The following CPEB3 variants were observed in gnomAD, a reference collection of about 807,000 sequenced individuals.
CPEB3 encodes the protein cytoplasmic polyadenylation element binding protein 3, also known as cytoplasmic polyadenylation element-binding protein 3.
CPEB3 carries 20 observed loss-of-function variants against 67.2 expected under a neutral mutation model. The ratio of observed to expected loss-of-function variants is 0.30; its 90% confidence interval spans 0.21 to 0.43. The LOEUF (loss-of-function observed/expected upper bound fraction) is 0.43, where lower values mean the gene tolerates loss of function less well. Ranked by LOEUF, CPEB3 falls within the 20% of genes least tolerant of loss-of-function variation. The pLI is 1.00. For missense variants in CPEB3, 746 were observed against 968.6 expected (o/e 0.77, Z 3.05); for synonymous variants, 376 against 393.1 (o/e 0.96, Z 0.51).
intron 7 of CPEB3, among the ~76,000 whole-genome samples, chr10:92,096,611 G>A (rs562689348): frequency 3.3e-5 from 5 of 151,982 alleles, no homozygotes; most frequent in Non-Finnish European, 7.4e-5. Context: ...CTTCTTCCTG[G>A]AGCAGCCTGA....
intron 2 of CPEB3, among the ~76,000 whole-genome samples, chr10:92,228,542 C>G (rs1340990416): frequency 6.6e-6 from 1 of 152,066 alleles, no homozygotes; most frequent in East Asian, 1.9e-4. Context: ...GATGTTTCCT[C>G]TGAAATATTC....
intron 4 of CPEB3, among the ~76,000 whole-genome samples, chr10:92,161,067 G>A (rs1161931756): frequency 2.0e-5 from 3 of 152,052 alleles, no homozygotes; most frequent in Non-Finnish European, 4.4e-5. Flanking sequence ...TGTAGAGACA[G>A]GGTTTCACCA....
chr10:92,091,527 C>A (rs538357794), intron 8 of CPEB3, among the ~76,000 whole-genome samples: 48 of 150,968 alleles, frequency 3.2e-4, no homozygotes, highest in African/African-American at 1.1e-3. Flanking sequence ...TGCTGACTGG[C>A]ATAAGAATGC....
At chr10:92,157,592 T>C (rs1847266559) in intron 4 of CPEB3, among the ~76,000 whole-genome samples, 2 of 152,240 alleles carry the variant, frequency 1.3e-5, no homozygotes, top group South Asian at 4.1e-4. Context: ...GCTCTGAAAC[T>C]TAAGCTTCAT....
chr10:92,199,286 G>C (rs1849389896), intron 2 of CPEB3, among the ~76,000 whole-genome samples: 1 of 151,702 alleles, frequency 6.6e-6, no homozygotes, highest in Non-Finnish European at 1.5e-5. Context: ...AGCTACTCAG[G>C]AGGCTGAGGC....
At chr10:92,268,102 C>T (rs1853142040) in intron 1 of CPEB3, among the ~76,000 whole-genome samples, 1 of 152,134 alleles carries the variant, frequency 6.6e-6, no homozygotes, top group Non-Finnish European at 1.5e-5. Flanking sequence ...AGGCCAGCCA[C>T]CGCGACCGGC....
At chr10:92,178,858 T>C (rs956500103) in intron 4 of CPEB3, among the ~76,000 whole-genome samples, 3 of 152,082 alleles carry the variant, frequency 2.0e-5, no homozygotes, top group Admixed American at 2.0e-4. Flanking sequence ...GTACCTACTA[T>C]GGAGGATATT....
intron 4 of CPEB3, among the ~76,000 whole-genome samples, chr10:92,159,366 T>C (rs1847357414): frequency 6.6e-6 from 1 of 151,934 alleles, no homozygotes; most frequent in Non-Finnish European, 1.5e-5. Flanking sequence ...TGTATTACAT[T>C]AAGCATTAAA....
At chr10:92,115,783 C>T (rs1328622438) in intron 6 of CPEB3, among the ~76,000 whole-genome samples, 4 of 152,014 alleles carry the variant, frequency 2.6e-5, no homozygotes, top group African/African-American at 9.7e-5. Flanking sequence ...TGCTCACCCT[C>T]TAAAATTTAA....
chr10:92,279,228 G>T (rs998636069), intron 1 of CPEB3, among the ~76,000 whole-genome samples: 1 of 152,008 alleles, frequency 6.6e-6, no homozygotes, highest in African/African-American at 2.4e-5. Flanking sequence ...TTCCTGAGTG[G>T]TCTTTTTCTC....
chr10:92,117,187 C>CAA (rs1845077026), intron 6 of CPEB3, among the ~76,000 whole-genome samples: 1 of 151,340 alleles, frequency 6.6e-6, no homozygotes, highest in Non-Finnish European at 1.5e-5. Flanking sequence ...CCATACCTGG[C>CAA]AAATTTTTGT....
In CPEB3 at chr10:92,081,454, C is replaced by G; in HGVS notation, c.1735G>C (p.Ala579Pro). 1 of 1,613,894 alleles carries G rather than the reference C, an allele frequency of 6.2e-7. No homozygotes were observed. The highest frequency in any genetic ancestry group is 8.5e-7 in the Non-Finnish European group (1 of 1,179,980). The stretch of plus-strand genomic sequence containing the variant: ...AGCTCTGGGTCCGTATCAATGCCAG[C>G]ATAGCAGACACCACCGTACAAACGG... The part of the protein sequence containing the change: ...MDRLYGGVCY[A>P]GIDTDPELKY... The change falls in exon 9 of 10, where the codon GCT (alanine) becomes CCT (proline). Residue 579 changes from alanine (A) to proline (P), a missense_variant. Physicochemically the swap from Ala to Pro is conservative, Grantham distance 27. This residue lies in a region of CPEB3 where 103 missense variants were observed against 251.1 expected (regional missense o/e 0.41). Transcript: ENST00000265997.
intron 4 of CPEB3, 102 bp downstream of exon 4, chr10:92,180,861 T>C (rs1848427614): frequency 2.7e-6 from 2 of 746,268 alleles, no homozygotes; most frequent in Non-Finnish European, 4.9e-6. Context: ...TCTATACTCC[T>C]TTCAGCGGAA....
At chr10:92,258,811 C>T (rs924548217) in intron 1 of CPEB3, among the ~76,000 whole-genome samples, 2 of 151,274 alleles carry the variant, frequency 1.3e-5, no homozygotes, top group African/African-American at 2.4e-5. Context: ...GCACCCACCA[C>T]CACGCTGAGT....
chr10:92,208,207 T>C (rs745674715), intron 2 of CPEB3, among the ~76,000 whole-genome samples: 1 of 152,246 alleles, frequency 6.6e-6, no homozygotes, highest in African/African-American at 2.4e-5. Flanking sequence ...TTTGCTTGTC[T>C]AGCTCAACAG....
At chr10:92,216,213 G>A (rs1157279501) in intron 2 of CPEB3, 3 of 875,784 alleles carry the variant, frequency 3.4e-6, no homozygotes, top group South Asian at 3.5e-5. Context: ...CGAGGAGCAC[G>A]GATCACAAGG....
chr10:92,279,381 T>G (rs1468238816), intron 1 of CPEB3, among the ~76,000 whole-genome samples: 1 of 152,238 alleles, frequency 6.6e-6, no homozygotes, highest in African/African-American at 2.4e-5. Context: ...CAGTAAATTA[T>G]ATTCCTATTT....
At chr10:92,107,113 C>A (rs1182841188) in intron 7 of CPEB3, among the ~76,000 whole-genome samples, 1 of 152,172 alleles carries the variant, frequency 6.6e-6, no homozygotes, top group African/African-American at 2.4e-5. Flanking sequence ...ATGACAGACA[C>A]ATGGGACAGA....
At chr10:92,213,550 C>T (rs1850197241) in intron 2 of CPEB3, among the ~76,000 whole-genome samples, 1 of 152,154 alleles carries the variant, frequency 6.6e-6, no homozygotes, top group Non-Finnish European at 1.5e-5. Context: ...AATGTAGAAA[C>T]AACAGGCATA....
Sources: allele counts gnomAD v4.1 joint callset (sites outside exome capture counted in the v4.1 genomes callset), GRCh38; gene constraint gnomAD v4.1.1; regional missense constraint gnomAD v4.1.1; transcripts MANE v1.5; gene names NCBI Gene and HGNC (gene_info 2026-07-23, HGNC 2026-07-21).